TPMT: variants seen among roughly 807,000 people sequenced by gnomAD.
TPMT encodes S-adenosyl-L-methionine:thiopurine S-methyltransferase.
TPMT carries 18 observed loss-of-function variants against 34.2 expected under a neutral mutation model. That is an observed-to-expected ratio of 0.53 (90% CI 0.36 to 0.78). TPMT has a LOEUF of 0.78. TPMT is among the 30% of genes least tolerant of loss of function. The probability of loss-of-function intolerance (pLI) is 0.00; values close to 1 mark genes in which losing one functional copy is unlikely to be tolerated. For synonymous variants in TPMT, 69 were observed against 92.4 expected, an observed-to-expected ratio of 0.75 and a Z score of 1.45; for missense variants, 265 against 288.1, an observed-to-expected ratio of 0.92 and a Z score of 0.58.
intron 4 of TPMT, among the ~76,000 whole-genome samples, chr6:18,141,254 T>C (rs1287756332): frequency 6.6e-6 from 1 of 152,106 alleles, no homozygotes; most frequent in East Asian, 1.9e-4. Flanking sequence ...GTAAACTCCT[T>C]GGATTCTTTA....
In TPMT at chr6:18,154,487, A is replaced by G. The variant is rs1400489359; in HGVS notation, c.-45+546T>C. Among the ~76,000 whole-genome samples, 1 of 152,200 alleles carries G rather than the reference A, an allele frequency of 6.6e-6. No individual in the cohort carries two copies. Among genetic ancestry groups the G allele is most frequent in the Non-Finnish European group, 1.5e-5 (1 of 68,044 alleles). The stretch of plus-strand genomic sequence containing the variant: ...TAACCACCGCAGAGCAAGACAGAAT[A>G]TTTACAGCACCCCAGTTTCCCACAT... On this transcript the variant is annotated intron_variant, in intron 1 of 8. Transcript: ENST00000309983. This position sits in a 1 kb window ranked among gnomAD's most constrained non-coding sequence, Gnocchi z 4.2.
In TPMT at chr6:18,143,680, A is replaced by G. The variant is rs889390766; in HGVS notation, c.282T>C (p.Leu94=). ...GCTCTGTAAAAAATTCTTGTATCCC[A>G]AGTTCACTGATTTCCACACCAACTA... The part of the protein sequence containing the change: ...HSVVGVEISE[L]GIQEFFTEQN... The change falls in exon 4 of 9, where the codon CTT becomes CTC. Residue 94 remains leucine (L), a synonymous_variant. Coordinates refer to ENST00000309983, the MANE Select transcript of TPMT (RefSeq NM_000367.5). This position sits in a 1 kb window ranked among gnomAD's most constrained non-coding sequence, Gnocchi z 6.1. 1 of 1,614,128 alleles carries G rather than the reference A, an allele frequency of 6.2e-7. No homozygotes were observed. Among genetic ancestry groups the G allele is most frequent in the African/African-American group, 1.3e-5 (1 of 75,056 alleles).
Position 18,139,034 on chromosome 6 carries a change from T to C in TPMT, c.423A>G (p.Thr141=). Residue 141 remains threonine, a synonymous_variant, in exon 6 of 9, where the codon ACA becomes ACG. Transcript: ENST00000309983. This position sits in a 1 kb window ranked among gnomAD's most constrained non-coding sequence, Gnocchi z 4.2. ...YCCSIFDLPR[T]NIGKFDMIWD... is the part of the protein sequence containing the mutation. ...AAATCATGTCAAATTTGCCAATATTTGTCCTACCAGAAAGAGAAAAAACAT... is the reference window on the plus strand; with the variant it reads ...AAATCATGTCAAATTTGCCAATATTCGTCCTACCAGAAAGAGAAAAAACAT... 6.2e-7 allele frequency: 1 copy of C among 1,613,668 alleles called. No homozygotes were observed. Among genetic ancestry groups the C allele is most frequent in the Non-Finnish European group, 8.5e-7 (1 of 1,179,536 alleles).
At position 18,153,011 on chromosome 6, in the gene TPMT, G is replaced by A. The variant is rs1259275901; in HGVS notation, c.-45+2022C>T. Among the ~76,000 whole-genome samples the A allele has an allele frequency of 6.6e-6, 1 of 152,124 alleles. No homozygotes were observed. Among genetic ancestry groups the A allele is most frequent in the Non-Finnish European group, 1.5e-5 (1 of 68,026 alleles). On this transcript the variant is annotated intron_variant, in intron 1 of 8. Coordinates refer to ENST00000309983, the MANE Select transcript of TPMT (RefSeq NM_000367.5). This position sits in a 1 kb window ranked among gnomAD's most constrained non-coding sequence, Gnocchi z 4.2. Reference sequence around the variant, plus strand: ...TCCATCCTGTGATTGTGGTAACACCGCCATTTTTTGTGCATGGTACCCATG... The same window carrying A: ...TCCATCCTGTGATTGTGGTAACACCACCATTTTTTGTGCATGGTACCCATG...
In TPMT at chr6:18,149,478, T is replaced by A. The variant is rs773095838; in HGVS notation, c.-44-307A>T. Among the ~76,000 whole-genome samples the A allele has an allele frequency of 4.7e-4, 71 of 151,460 alleles. No individual in the cohort carries two copies. The highest frequency in any genetic ancestry group is 7.2e-4 in the Non-Finnish European group (49 of 67,846). ...GCTAATCTTTCTTTCCTTGTTTTTTTTTTTTTCAGAGACAAGGTCTTGCTC... is the reference window on the plus strand; with the variant it reads ...GCTAATCTTTCTTTCCTTGTTTTTTATTTTTTCAGAGACAAGGTCTTGCTC... On this transcript the variant is annotated intron_variant, in intron 1 of 8. Transcript: ENST00000309983. The surrounding 1 kb of genome is among the most constrained non-coding windows in gnomAD (Gnocchi z 5.0).
chr6:18,132,364 C>G lies in TPMT; in HGVS notation c.581-187G>C, dbSNP rs1024788385. Among the ~76,000 whole-genome samples the G allele has an allele frequency of 3.9e-5, 6 of 152,128 alleles. No homozygotes were observed. The highest frequency in any genetic ancestry group is 1.4e-4 in the African/African-American group (6 of 41,440). On this transcript the variant is annotated intron_variant, in intron 7 of 8. Transcript: ENST00000309983. This position sits in a 1 kb window ranked among gnomAD's most constrained non-coding sequence, Gnocchi z 4.8. ...TGGCAATGTTACATCCCCATCATAT[C>G]CATCTTTAGCTTAGATGAGACAGCT...
At position 18,135,384 on chromosome 6, in the gene TPMT, C is replaced by A. The variant is rs1784024565; in HGVS notation, c.495-1495G>T. Among the ~76,000 whole-genome samples, 1 of 152,154 alleles carries A rather than the reference C, an allele frequency of 6.6e-6. No homozygotes were observed. Among genetic ancestry groups the A allele is most frequent in the Non-Finnish European group, 1.5e-5 (1 of 68,030 alleles). The stretch of plus-strand genomic sequence containing the variant: ...CTCAAAAAGTCCAGAAAAATGAGGT[C>A]TGCCCTACTGGTTTACATTAGGCAA... On this transcript the variant is annotated intron_variant, in intron 6 of 8. Transcript: ENST00000309983. This position sits in a 1 kb window ranked among gnomAD's most constrained non-coding sequence, Gnocchi z 5.0.
At position 18,153,116 on chromosome 6, in the gene TPMT, T is replaced by G. The variant is rs1784385364; in HGVS notation, c.-45+1917A>C. Among the ~76,000 whole-genome samples the G allele has an allele frequency of 6.6e-6, 1 of 152,252 alleles. No homozygotes were observed. Among genetic ancestry groups the G allele is most frequent in the African/African-American group, 2.4e-5 (1 of 41,464 alleles). ...CTACAGCTTACTGAATATGTATATT[T>G]GGCCACCTTCCTCAGCATAAATTCC... is the stretch of plus-strand genomic sequence containing the variant. On this transcript the variant is annotated intron_variant, in intron 1 of 8. Coordinates refer to ENST00000309983, the MANE Select transcript of TPMT (RefSeq NM_000367.5). The surrounding 1 kb of genome is among the most constrained non-coding windows in gnomAD (Gnocchi z 4.2).
rs764051627 is a variant in TPMT, at chr6:18,147,917, T to C, written c.141-2A>G. ...GTATCTAAATGCTTCTTTAATAGCC[T>C]GAAGAGGAAAAAAAAAAAGGTTTTA... is the stretch of plus-strand genomic sequence containing the variant. On this transcript the variant is annotated splice_acceptor_variant, in intron 2 of 8. Coordinates refer to ENST00000309983, the MANE Select transcript of TPMT (RefSeq NM_000367.5). LOFTEE classifies it high-confidence loss of function. 1.4e-5 allele frequency: 22 copies of C among 1,610,832 alleles called. No individual in the cohort carries two copies. Among genetic ancestry groups the C allele is most frequent in the Non-Finnish European group, 1.9e-5 (22 of 1,178,148 alleles).
At chr6:18,141,189 G>T (rs986893086) in intron 4 of TPMT, among the ~76,000 whole-genome samples, 1 of 152,098 alleles carries the variant, frequency 6.6e-6, no homozygotes, top group African/African-American at 2.4e-5. Flanking sequence ...AGCCTGGGCG[G>T]GGAACTGCTG....
In TPMT at chr6:18,129,396, G is replaced by A. The variant is rs1195085410; in HGVS notation, c.*1272C>T. ...TACCGTAGCTTTCACCAGTGTTAAA[G>A]GGGACCCCAAACCTTGCATTAACAA... On this transcript the variant is annotated 3_prime_UTR_variant, in exon 9 of 9. Coordinates refer to ENST00000309983, the MANE Select transcript of TPMT (RefSeq NM_000367.5). The A allele has an allele frequency of 1.3e-5, 2 of 152,196 alleles. No homozygotes were observed. The highest frequency in any genetic ancestry group is 4.8e-5 in the African/African-American group (2 of 41,442). 9.4% of individuals were successfully genotyped at this position (152,196 alleles called of 1,614,324 possible).
chr6:18,135,586 A>G lies in TPMT; in HGVS notation c.495-1697T>C, dbSNP rs1358094333. On this transcript the variant is annotated intron_variant, in intron 6 of 8. Transcript: ENST00000309983. This position sits in a 1 kb window ranked among gnomAD's most constrained non-coding sequence, Gnocchi z 5.0. ...ACCAGCACATATATAAAATACTAAC[A>G]TAAGGCTGGGCACGGTGACTTACAT... is the stretch of plus-strand genomic sequence containing the variant. 1.1e-4 allele frequency among the ~76,000 whole-genome samples: 16 copies of G among 152,142 alleles called. No homozygotes were observed. The highest frequency in any genetic ancestry group is 1.5e-5 in the Non-Finnish European group (1 of 68,026).
chr6:18,137,869 T>C (rs979297173), intron 6 of TPMT, among the ~76,000 whole-genome samples: 6 of 152,224 alleles, frequency 3.9e-5, no homozygotes, highest in Non-Finnish European at 7.3e-5. Context: ...CACTGCAACC[T>C]CTGCCTCCTG....
chr6:18,147,247 G>A (rs1784265135), intron 3 of TPMT, among the ~76,000 whole-genome samples: 2 of 152,296 alleles, frequency 1.3e-5, no homozygotes, highest in South Asian at 2.1e-4. Context: ...ATGTCGAGGT[G>A]ACTTTAGGGT....
At chr6:18,141,861 G>A (rs999654743) in intron 4 of TPMT, among the ~76,000 whole-genome samples, 20 of 152,112 alleles carry the variant, frequency 1.3e-4, no homozygotes, top group African/African-American at 4.8e-4. Context: ...CTATAAAATC[G>A]AGCTGCAGAC....
intron 7 of TPMT, among the ~76,000 whole-genome samples, chr6:18,133,459 G>C (rs1359316169): frequency 6.6e-6 from 1 of 152,180 alleles, no homozygotes; most frequent in Non-Finnish European, 1.5e-5. Context: ...ACTACCACTT[G>C]GGTGATACGG....
rs1381776080 is a variant in TPMT at position 18,154,342 on chromosome 6, A to G, written c.-45+691T>C. ...TTCTAGTCTCCATTCTCACCTTTTC[A>G]AAAGCTTCTGCTATAGTTTTGTTTT... On this transcript the variant is annotated intron_variant, in intron 1 of 8. Coordinates refer to ENST00000309983, the MANE Select transcript of TPMT (RefSeq NM_000367.5). This position sits in a 1 kb window ranked among gnomAD's most constrained non-coding sequence, Gnocchi z 4.2. Among the ~76,000 whole-genome samples, 1 of 152,226 alleles carries G rather than the reference A, an allele frequency of 6.6e-6. No homozygotes were observed. Among genetic ancestry groups the G allele is most frequent in the Non-Finnish European group, 1.5e-5 (1 of 68,042 alleles).
Position 18,145,123 on chromosome 6 carries a change from T to C in TPMT, c.234-1395A>G, listed in dbSNP as rs542958942. ...TATGTCAAGTGAAATAAAAACATAG[T>C]TCTGCTATAATGTAACAAGTGCCTT... is the stretch of plus-strand genomic sequence containing the variant. On this transcript the variant is annotated intron_variant, in intron 3 of 8. Transcript: ENST00000309983. The surrounding 1 kb of genome is among the most constrained non-coding windows in gnomAD (Gnocchi z 5.6). 6.6e-6 allele frequency among the ~76,000 whole-genome samples: 1 copy of C among 152,278 alleles called. No individual in the cohort carries two copies. Among genetic ancestry groups the C allele is most frequent in the East Asian group, 1.9e-4 (1 of 5,178 alleles).
rs919371628 is a variant in TPMT at position 18,143,964 on chromosome 6, T to C, written c.234-236A>G. ...CAATAAAAATTTGGAAAATTATATATATCTTTTTTTATGTATGAAACAGTT... is the reference window on the plus strand; with the variant it reads ...CAATAAAAATTTGGAAAATTATATACATCTTTTTTTATGTATGAAACAGTT... On this transcript the variant is annotated intron_variant, in intron 3 of 8. Coordinates refer to ENST00000309983, the MANE Select transcript of TPMT (RefSeq NM_000367.5). The surrounding 1 kb of genome is among the most constrained non-coding windows in gnomAD (Gnocchi z 6.1). 2.0e-5 allele frequency among the ~76,000 whole-genome samples: 3 copies of C among 152,186 alleles called. No individual in the cohort carries two copies. Among genetic ancestry groups the C allele is most frequent in the African/African-American group, 7.2e-5 (3 of 41,460 alleles).
Sources: allele counts gnomAD v4.1 joint callset (sites outside exome capture counted in the v4.1 genomes callset), GRCh38; gene constraint gnomAD v4.1.1; non-coding constraint Gnocchi (gnomAD v3.1); transcripts MANE v1.5; gene names NCBI Gene and HGNC (gene_info 2026-07-23, HGNC 2026-07-21).